Variants in EML4 observed in about 807,000 individuals in gnomAD.
EML4 encodes EMAP like 4.
Under a neutral mutation model 129.0 loss-of-function variants are expected in EML4, and 72 were observed. The observed-to-expected ratio is 0.56, with a 90% CI of 0.46 to 0.68. The LOEUF (loss-of-function observed/expected upper bound fraction) is 0.68. Among genes scored for constraint, EML4 ranks in the 30% least tolerant of loss-of-function variants. EML4 has a pLI of 0.00. For synonymous variants in EML4, 532 were observed against 405.0 expected (o/e 1.31, Z -3.77); for missense variants, 1,363 against 1,190.6 (o/e 1.14, Z -2.13).
At chr2:42,185,371 C>T (rs932954307) in intron 1 of EML4, among the ~76,000 whole-genome samples, 3 of 152,164 alleles carry the variant, frequency 2.0e-5, no homozygotes, top group African/African-American at 7.2e-5. Flanking sequence ...TCTGTAACTG[C>T]TGTCACATGA....
chr2:42,182,898 T>C (rs1239489158), intron 1 of EML4, among the ~76,000 whole-genome samples: 1 of 152,184 alleles, frequency 6.6e-6, no homozygotes, highest in Non-Finnish European at 1.5e-5. Context: ...TGTGTGTACA[T>C]ATCACTGGTG....
intron 6 of EML4, among the ~76,000 whole-genome samples, chr2:42,267,575 G>T (rs542925610): frequency 2.6e-5 from 4 of 152,162 alleles, no homozygotes; most frequent in Admixed American, 2.0e-4. Context: ...TACCTGAAAG[G>T]CCTGTGTCCT....
At chr2:42,302,181 T>A (rs948366982) in intron 14 of EML4, among the ~76,000 whole-genome samples, 18 of 152,176 alleles carry the variant, frequency 1.2e-4, no homozygotes, top group African/African-American at 4.3e-4. Flanking sequence ...TATTGTTTTT[T>A]AATTTACAGA....
At chr2:42,181,441 G>C (rs1670935384) in intron 1 of EML4, among the ~76,000 whole-genome samples, 1 of 152,088 alleles carries the variant, frequency 6.6e-6, no homozygotes, top group African/African-American at 2.4e-5. Flanking sequence ...TGGGTTTACA[G>C]GCACACGCCA....
At chr2:42,283,099 C>A in intron 8 of EML4, 127 bp downstream of exon 8, 1 of 888,928 alleles carries the variant, frequency 1.1e-6, no homozygotes, top group South Asian at 2.0e-5. Context: ...TATGGGTCAT[C>A]TGTTGAATAT....
At chr2:42,262,766 C>T (rs1665811559) in intron 4 of EML4, among the ~76,000 whole-genome samples, 1 of 151,834 alleles carries the variant, frequency 6.6e-6, no homozygotes, top group Non-Finnish European at 1.5e-5. Context: ...TCATTTGTAC[C>T]ATATGTAATG....
chr2:42,222,270 A>G (rs1673655333), intron 1 of EML4, among the ~76,000 whole-genome samples: 1 of 148,364 alleles, frequency 6.7e-6, no homozygotes, highest in South Asian at 2.1e-4. Flanking sequence ...CCCTGTTAAC[A>G]GTTTAATTTG....
chr2:42,307,768 C>G (rs1433241347), intron 17 of EML4, among the ~76,000 whole-genome samples: 1 of 152,208 alleles, frequency 6.6e-6, no homozygotes, highest in African/African-American at 2.4e-5. Context: ...ATTCTTTAGC[C>G]TCAAGCCTCC....
intron 1 of EML4, among the ~76,000 whole-genome samples, chr2:42,230,044 C>T (rs1674231506): frequency 6.6e-6 from 1 of 152,114 alleles, no homozygotes; most frequent in African/African-American, 2.4e-5. Context: ...GATTCCCCCT[C>T]AGCTACACGA....
chr2:42,174,989 G>A (rs1345784902), intron 1 of EML4, among the ~76,000 whole-genome samples: 1 of 151,718 alleles, frequency 6.6e-6, no homozygotes, highest in Non-Finnish European at 1.5e-5. Context: ...GCTAATTTTT[G>A]TATTTTTAGT....
intron 13 of EML4, among the ~76,000 whole-genome samples, chr2:42,298,997 C>G (rs930755278): frequency 5.9e-5 from 9 of 152,186 alleles, no homozygotes; most frequent in African/African-American, 1.2e-4. Flanking sequence ...CTCAGGTGTC[C>G]TCCCTCTCGT....
intron 3 of EML4, among the ~76,000 whole-genome samples, chr2:42,259,389 T>G (rs1250757835): frequency 6.6e-6 from 1 of 152,164 alleles, no homozygotes; most frequent in Admixed American, 6.5e-5. Flanking sequence ...AGTATGCTTA[T>G]CCAGTCTGGT....
At chr2:42,203,073 A>T (rs1342224457) in intron 1 of EML4, among the ~76,000 whole-genome samples, 2 of 152,202 alleles carry the variant, frequency 1.3e-5, no homozygotes, top group Non-Finnish European at 2.9e-5. Context: ...TCAAAATAGA[A>T]TAGAATAGTG....
At chr2:42,313,610 TTAGTTA>T (rs1669078521) in intron 17 of EML4, among the ~76,000 whole-genome samples, 1 of 152,118 alleles carries the variant, frequency 6.6e-6, no homozygotes, top group Admixed American at 6.5e-5. Flanking sequence ...TTCCCAGATA[TTAGTTA>T]TAGTGCTTTA....
intron 11 of EML4, chr2:42,289,156 C>G (rs941822289): frequency 6.6e-6 from 1 of 152,092 alleles, no homozygotes; most frequent in Non-Finnish European, 1.5e-5. Context: ...GTCAGAAAAC[C>G]TCAAACTTTA....
chr2:42,303,092 T>C lies in EML4; in HGVS notation c.1642-12T>C. On this transcript the variant is annotated splice_polypyrimidine_tract_variant and intron_variant, in intron 14 of 22. Transcript: ENST00000318522. ...TAGTATGTATATGGTGACTTTACAC[T>C]TTTTTTTCTAGGTTCCTGATCAGTA... The C allele has an allele frequency of 6.2e-7, 1 of 1,611,154 alleles. No homozygotes were observed. Among genetic ancestry groups the C allele is most frequent in the Non-Finnish European group, 8.5e-7 (1 of 1,178,296 alleles).
At chr2:42,169,697 A>G (rs1373285571) in intron 1 of EML4, 61 bp downstream of exon 1, 29 of 1,573,800 alleles carry the variant, frequency 1.8e-5, no homozygotes, top group Non-Finnish European at 2.5e-5. Context: ...TTCCTTCCGC[A>G]CACAGCCCAG....
At chr2:42,289,744 C>G (rs1044562) in intron 11 of EML4, 21,290 of 151,700 alleles carry the variant, frequency 0.14, 1,492 homozygotes, top group East Asian at 0.18. Context: ...ATAGCACTTT[C>G]TAGTACAAGC....
rs765915903 is a variant in EML4 at position 42,282,886 on chromosome 2, T to A, written c.855T>A (p.Val285=). The change falls in exon 8 of 23, where the codon GTT becomes GTA. Residue 285 remains valine (V), a synonymous_variant. Coordinates refer to ENST00000318522, the MANE Select transcript of EML4 (RefSeq NM_019063.5). The part of the protein sequence containing the change: ...NVYLLPTGKI[V]YFIASVVVLF... ...ACCTTCTTCCGACCGGGAAAATAGT[T>A]TATTTCATTGCATCAGTAGTAGTAC... 3.9e-5 allele frequency: 63 copies of A among 1,611,226 alleles called. No homozygotes were observed. The highest frequency in any genetic ancestry group is 5.1e-5 in the Non-Finnish European group (60 of 1,177,444).
Sources: allele counts gnomAD v4.1 joint callset (sites outside exome capture counted in the v4.1 genomes callset), GRCh38; gene constraint gnomAD v4.1.1; transcripts MANE v1.5; gene names NCBI Gene and HGNC (gene_info 2026-07-23, HGNC 2026-07-21).